Variants in THOC5 observed in about 807,000 individuals in gnomAD.
The protein encoded by THOC5 is Fms-interacting protein.
THOC5 carries 43 observed loss-of-function variants against 92.9 expected under a neutral mutation model. The ratio of observed to expected loss-of-function variants is 0.46; its 90% confidence interval spans 0.36 to 0.60. The LOEUF (loss-of-function observed/expected upper bound fraction) is 0.60. THOC5 is among the 20% of genes least tolerant of loss of function. THOC5 has a pLI of 0.00. For missense variants in THOC5, 659 were observed against 849.4 expected (o/e 0.78, Z 2.79); for synonymous variants, 296 against 320.1 (o/e 0.92, Z 0.80).
chr22:29,513,178 G>A (rs904277154), intron 17 of THOC5, among the ~76,000 whole-genome samples: 1 of 151,100 alleles, frequency 6.6e-6, no homozygotes, highest in Non-Finnish European at 1.5e-5. Flanking sequence ...GTGAAACCCC[G>A]TCTCTACTAA....
chr22:29,523,322 A>C (rs1457455720), intron 12 of THOC5, among the ~76,000 whole-genome samples: 1 of 152,146 alleles, frequency 6.6e-6, no homozygotes, highest in Admixed American at 6.5e-5. Flanking sequence ...TCTCTAATGA[A>C]TTAATGGATC....
chr22:29,509,531 A>G (rs2063184365), intron 19 of THOC5, among the ~76,000 whole-genome samples: 1 of 152,220 alleles, frequency 6.6e-6, no homozygotes, highest in African/African-American at 2.4e-5. Context: ...GAGATAACAT[A>G]ATGAACCAGG....
intron 1 of THOC5, among the ~76,000 whole-genome samples, chr22:29,552,179 A>G (rs1464928587): frequency 7.2e-5 from 11 of 151,818 alleles, no homozygotes; most frequent in South Asian, 2.1e-4. Flanking sequence ...CCAAAGTGCC[A>G]AGATTGCAGC....
Position 29,525,689 on chromosome 22 carries a change from C to G in THOC5, c.1175+149G>C, listed in dbSNP as rs1294372161. 3.1e-5 allele frequency: 17 copies of G among 540,964 alleles called. No homozygotes were observed. In the East Asian group the frequency reaches 4.9e-4, roughly 16 times the overall value. The allele number at this position is 540,964 out of a possible 1,614,324, so 33.5% of individuals were successfully genotyped here. Reference sequence around the variant, plus strand: ...TGCTTTCTAAATACCAGCGATGTGCCAGGACTTCTGGTCCATCTGGATACA... The same window carrying G: ...TGCTTTCTAAATACCAGCGATGTGCGAGGACTTCTGGTCCATCTGGATACA... On this transcript the variant is annotated intron_variant, in intron 12 of 19. Transcript: ENST00000490103.
At chr22:29,553,606 C>T (rs2064229073) in intron 1 of THOC5, 65 bp downstream of exon 1, 1 of 152,660 alleles carries the variant, frequency 6.6e-6, no homozygotes, top group Middle Eastern at 3.4e-3. Flanking sequence ...GCGATCAGCA[C>T]CTCAGTCCCG....
chr22:29,548,470 G>A (rs1377551251), intron 2 of THOC5, among the ~76,000 whole-genome samples: 3 of 152,244 alleles, frequency 2.0e-5, no homozygotes, highest in East Asian at 1.9e-4. Context: ...TGGGAGGATC[G>A]CTTGAGCCCA....
At position 29,518,324 on chromosome 22, in the gene THOC5, C is replaced by T. The variant is rs1257799949; in HGVS notation, c.1489+682G>A. On this transcript the variant is annotated intron_variant, in intron 15 of 19. Transcript: ENST00000490103. ...CTGTGATTACAGGCAAGAGCCACTG[C>T]GCCTGTCCCAGAGACTCTTTTAGGT... Among the ~76,000 whole-genome samples the T allele has an allele frequency of 2.6e-5, 4 of 152,274 alleles. No homozygotes were observed. The South Asian group carries it at 6.2e-4, about 24-fold the overall frequency.
At chr22:29,548,593 G>T (rs1219494280) in intron 2 of THOC5, among the ~76,000 whole-genome samples, 1 of 151,998 alleles carries the variant, frequency 6.6e-6, no homozygotes, top group East Asian at 1.9e-4. Flanking sequence ...CACAAATGAA[G>T]TTGACAGATT....
intron 7 of THOC5, among the ~76,000 whole-genome samples, chr22:29,534,029 C>T (rs1569224482): frequency 6.6e-6 from 1 of 152,256 alleles, no homozygotes; most frequent in African/African-American, 2.4e-5. Context: ...TGCCAAAACA[C>T]ATGTATAAGA....
At position 29,539,394 on chromosome 22, in the gene THOC5, T is replaced by C; in HGVS notation, c.535A>G (p.Thr179Ala). 1 of 1,614,106 alleles carries C rather than the reference T, an allele frequency of 6.2e-7. No homozygotes were observed. Among genetic ancestry groups the C allele is most frequent in the Non-Finnish European group, 8.5e-7 (1 of 1,179,958 alleles). ...APPDISKAEVTMGDPHQQTLA... is the reference protein window; with the variant it reads ...APPDISKAEVAMGDPHQQTLA... ...GTTTGCTGGTGAGGGTCTCCCATGG[T>C]GACTTCGGCCTTGCTGATATCTGGT... The change falls in exon 6 of 20, where the codon ACC becomes GCC. Residue 179 changes from threonine to alanine, a missense_variant. By Grantham distance (58) the Thr-to-Ala change is moderately conservative (BLOSUM62 0). Coordinates refer to ENST00000490103, the MANE Select transcript of THOC5 (RefSeq NM_003678.5).
At chr22:29,534,628 G>A (rs1055972712) in intron 7 of THOC5, 1 of 151,614 alleles carries the variant, frequency 6.6e-6, no homozygotes, top group Non-Finnish European at 1.5e-5. Flanking sequence ...CACAGTGCAT[G>A]AGGACCAATT....
chr22:29,539,109 CAAA>C (rs373724250), intron 6 of THOC5, among the ~76,000 whole-genome samples: 5 of 36,852 alleles, frequency 1.4e-4, no homozygotes, highest in East Asian at 1.6e-3. Flanking sequence ...GACTCCATCT[CAAA>C]AAAAAAAAAA....
At chr22:29,531,176 G>C in intron 8 of THOC5, 1 of 1,105,324 alleles carries the variant, frequency 9.0e-7, no homozygotes. Context: ...GAAGACACAA[G>C]AAGAGACAGT....
chr22:29,507,738 A>G lies in THOC5; in HGVS notation c.*719T>C, dbSNP rs2063151507. 6.6e-6 allele frequency: 1 copy of G among 152,332 alleles called. No individual in the cohort carries two copies. The highest frequency in any genetic ancestry group is 2.4e-5 in the African/African-American group (1 of 41,474). 9.4% of individuals were successfully genotyped at this position (152,332 alleles called of 1,614,324 possible). ...GAATACAGTGTATAAGATACAAAAT[A>G]TATACTGAAAATATGTACTGACTAT... On this transcript the variant is annotated 3_prime_UTR_variant, in exon 20 of 20. Transcript: ENST00000490103.
Position 29,528,061 on chromosome 22 carries a change from G to C in THOC5, c.1066+17C>G. 6.2e-7 allele frequency: 1 copy of C among 1,613,354 alleles called. No homozygotes were observed. Among genetic ancestry groups the C allele is most frequent in the South Asian group, 1.1e-5 (1 of 91,066 alleles). ...TAGGTGCTACAGATCCCTTAAACAA[G>C]GTGAGTGCAACCAGACCTTTGCACT... On this transcript the variant is annotated intron_variant, in intron 11 of 19. Transcript: ENST00000490103.
chr22:29,513,356 CAAAA>C (rs375469055), intron 17 of THOC5, among the ~76,000 whole-genome samples: 1 of 102,396 alleles, frequency 9.8e-6, no homozygotes. Flanking sequence ...GACTCCGTCT[CAAAA>C]AAAAAAAAAA....
intron 17 of THOC5, among the ~76,000 whole-genome samples, chr22:29,515,211 T>G (rs2063311071): frequency 6.6e-6 from 1 of 151,382 alleles, no homozygotes; most frequent in Non-Finnish European, 1.5e-5. Flanking sequence ...CCAGCCAATT[T>G]TTGTATTTTT....
intron 18 of THOC5, 72 bp downstream of exon 18, chr22:29,511,949 A>G (rs2063231524): frequency 1.6e-6 from 2 of 1,253,134 alleles, no homozygotes; most frequent in Non-Finnish European, 2.3e-6. Context: ...CCTCAGCTGC[A>G]GTGGGTTCTG....
rs114835325 is a variant in THOC5, at chr22:29,521,987, T to A, written c.1176-888A>T. Reference sequence around the variant, plus strand: ...CCAGCTCTTCCCTACTGTGTCTCACTGAGTATCCCTGTTCCCCAAGGTCTT... The same window carrying A: ...CCAGCTCTTCCCTACTGTGTCTCACAGAGTATCCCTGTTCCCCAAGGTCTT... On this transcript the variant is annotated intron_variant, in intron 12 of 19. Coordinates refer to ENST00000490103, the MANE Select transcript of THOC5 (RefSeq NM_003678.5). Among the ~76,000 whole-genome samples, 886 of 152,194 alleles carry A rather than the reference T, an allele frequency of 5.8e-3. 7 individuals carry two copies. The highest frequency in any genetic ancestry group is 0.021 in the African/African-American group (863 of 41,528).
Sources: allele counts gnomAD v4.1 joint callset (sites outside exome capture counted in the v4.1 genomes callset), GRCh38; gene constraint gnomAD v4.1.1; transcripts MANE v1.5; gene names NCBI Gene and HGNC (gene_info 2026-07-23, HGNC 2026-07-21).